The following PKP3 variants were observed in gnomAD, a reference collection of about 807,000 sequenced individuals.
PKP3 encodes plakophilin 3.
PKP3 carries 66 observed loss-of-function variants against 76.5 expected under a neutral mutation model. The ratio of observed to expected loss-of-function variants is 0.86; its 90% CI spans 0.71 to 1.06. PKP3 has a LOEUF of 1.06. Ranked by LOEUF, PKP3 falls within the 50% of genes least tolerant of loss-of-function variation. The pLI, the probability that PKP3 is intolerant of heterozygous loss-of-function variation, is 0.00. For synonymous variants in PKP3, 638 were observed against 516.5 expected, an observed-to-expected ratio of 1.24 and a Z score of -3.19; for missense variants, 1,338 against 1,141.0, an observed-to-expected ratio of 1.17 and a Z score of -2.49.
chr11:394,304 T>C lies in PKP3; in HGVS notation c.12T>C (p.Gly4=). ...GTGGACCTGCCGCCATGCAGGACGG[T>C]AACTTCCTGCTGTCGGCCCTGCAGC... The part of the protein sequence containing the change: MQD[G]NFLLSALQPE... The change falls in exon 1 of 13, where the codon GGT becomes GGC. Residue 4 remains glycine (G), a synonymous_variant. Coordinates refer to ENST00000331563, the MANE Select transcript of PKP3 (RefSeq NM_007183.4). 6.6e-7 allele frequency: 1 copy of C among 1,513,882 alleles called. No individual in the cohort carries two copies. The highest frequency in any genetic ancestry group is 8.8e-7 in the Non-Finnish European group (1 of 1,137,664). 93.8% of individuals were successfully genotyped at this position (1,513,882 alleles called of 1,614,324 possible).
upstream of PKP3, chr11:392,734 AC>A: frequency 6.6e-6 from 6 of 914,708 alleles, no homozygotes; most frequent in Non-Finnish European, 8.2e-6. Flanking sequence ...CTTCCCCACC[AC>A]CCCGACCCCA....
At position 394,309 on chromosome 11, in the gene PKP3, T is replaced by C; in HGVS notation, c.17T>C (p.Phe6Ser). The C allele has an allele frequency of 6.6e-7, 1 of 1,514,466 alleles. No individual in the cohort carries two copies. Among genetic ancestry groups the C allele is most frequent in the Admixed American group, 2.0e-5 (1 of 48,908 alleles). 93.8% of individuals were successfully genotyped at this position (1,514,466 alleles called of 1,614,324 possible). A position where few individuals can be genotyped will look rare whatever the true frequency, so the allele number is the denominator to read the frequency against. Residue 6 changes from phenylalanine to serine, a missense_variant, in exon 1 of 13, where the codon TTC becomes TCC. By Grantham distance (155) the Phe-to-Ser change is radical. Coordinates refer to ENST00000331563, the MANE Select transcript of PKP3 (RefSeq NM_007183.4). Reference sequence around the variant, plus strand: ...CCTGCCGCCATGCAGGACGGTAACTTCCTGCTGTCGGCCCTGCAGCCTGAG... The same window carrying C: ...CCTGCCGCCATGCAGGACGGTAACTCCCTGCTGTCGGCCCTGCAGCCTGAG... MQDGN[F>S]LLSALQPEAG... is the part of the protein sequence containing the mutation.
chr11:400,688 A>G lies in PKP3; in HGVS notation c.1720A>G (p.Ser574Gly). The G allele has an allele frequency of 1.6e-6, 2 of 1,277,198 alleles. No homozygotes were observed. Among genetic ancestry groups the G allele is most frequent in the Non-Finnish European group, 9.9e-7 (1 of 1,009,762 alleles). 79.1% of individuals were successfully genotyped at this position (1,277,198 alleles called of 1,614,324 possible). The change falls in exon 8 of 13, where the codon AGC becomes GGC. Residue 574 changes from serine (S) to glycine (G), a missense_variant. By Grantham distance (56) the Ser-to-Gly change is moderately conservative. Coordinates refer to ENST00000331563, the MANE Select transcript of PKP3 (RefSeq NM_007183.4). Reference protein sequence around the residue: ...GEVVGCFTPQSRRLRELPLAA... With the variant: ...GEVVGCFTPQGRRLRELPLAA... ...GGTCGTGGGCTGCTTCACGCCGCAG[A>G]GCCGGCGGCTGCGCGAGGTGGGCAC...
chr11:403,505 G>T (rs1847193871), intron 9 of PKP3, 113 bp from the exon 10 acceptor site: 2 of 1,101,994 alleles, frequency 1.8e-6, no homozygotes, highest in Non-Finnish European at 2.6e-6. Context: ...AAAGGCAGAA[G>T]CAGAGGCCCC....
chr11:400,576 C>CCGCCTCTA lies in PKP3; in HGVS notation c.1611_1618dup (p.Asp540AlafsTer110), dbSNP rs1243259236. ...TGTGCGTCCTGCGGAACCTGTCCTA[C>CCGCCTCTA]CGCCTCTACGACGAGATGCCGCCGT... On this transcript the variant is annotated frameshift_variant, in exon 8 of 13. Coordinates refer to ENST00000331563, the MANE Select transcript of PKP3 (RefSeq NM_007183.4). LOFTEE classifies it high-confidence loss of function. 1 of 1,484,472 alleles carries CCGCCTCTA rather than the reference C, an allele frequency of 6.7e-7. No individual in the cohort carries two copies. The highest frequency in any genetic ancestry group is 1.5e-5 in the African/African-American group (1 of 68,044). 92.0% of individuals were successfully genotyped at this position (1,484,472 alleles called of 1,614,324 possible).
At chr11:398,101 C>T (rs374116708) in intron 4 of PKP3, among the ~76,000 whole-genome samples, 1 of 86,000 alleles carries the variant, frequency 1.2e-5, no homozygotes, top group African/African-American at 5.3e-5. Context: ...TCCGTACCCC[C>T]GCACACACCT....
In PKP3 at chr11:404,118, C is replaced by T. The variant is rs753417737; in HGVS notation, c.2253C>T (p.Ile751=). The T allele has an allele frequency of 1.2e-6, 2 of 1,610,328 alleles. No individual in the cohort carries two copies. Among genetic ancestry groups the T allele is most frequent in the Non-Finnish European group, 8.5e-7 (1 of 1,178,378 alleles). Residue 751 remains isoleucine (I), a synonymous_variant, in exon 11 of 13, where the codon ATC becomes ATT. Transcript: ENST00000331563. This position sits in a 1 kb window ranked among gnomAD's most constrained non-coding sequence, Gnocchi z 4.2. Reference sequence around the variant, plus strand: ...ACGGACTCCGAAAGCTCATCTTCATCAAGAAGAAGCGGGACAGGTAGGGGC... The same window carrying T: ...ACGGACTCCGAAAGCTCATCTTCATTAAGAAGAAGCGGGACAGGTAGGGGC... The part of the protein sequence containing the change: ...YFDGLRKLIF[I]KKKRDSPDSE...
Position 397,235 on chromosome 11 carries a change from C to T in PKP3, c.734C>T (p.Ala245Val). Residue 245 changes from alanine (A) to valine (V), a missense_variant, in exon 3 of 13, where the codon GCC (alanine) becomes GTC (valine). Transcript: ENST00000331563. ...TEVSPSRTIR[A>V]PAVRTLQRFQ... Reference sequence around the variant, plus strand: ...GTTTCCCCGAGCCGGACCATCCGTGCCCCTGCCGTGCGGACCCTGCAGCGA... The same window carrying T: ...GTTTCCCCGAGCCGGACCATCCGTGTCCCTGCCGTGCGGACCCTGCAGCGA... 2 of 1,599,624 alleles carry T rather than the reference C, an allele frequency of 1.3e-6. No homozygotes were observed. Among genetic ancestry groups the T allele is most frequent in the South Asian group, 1.1e-5 (1 of 90,764 alleles).
At chr11:398,923 C>G (rs1490913840) in intron 4 of PKP3, 69 bp from the exon 5 acceptor site, 1 of 1,216,150 alleles carries the variant, frequency 8.2e-7, no homozygotes, top group Non-Finnish European at 1.2e-6. Context: ...CTGGACACAG[C>G]TGCACACAGG....
Position 400,597 on chromosome 11 carries a change from G to C in PKP3, c.1629G>C (p.Pro543=), listed in dbSNP as rs761635288. 29 of 1,465,876 alleles carry C rather than the reference G, an allele frequency of 2.0e-5. 1 individual carries two copies. In the African/African-American group the frequency reaches 3.7e-4, roughly 19 times the overall value. The allele number at this position is 1,465,876 out of a possible 1,614,324, so 90.8% of individuals were successfully genotyped here. A position where few individuals can be genotyped will look rare whatever the true frequency, so the allele number is the denominator to read the frequency against. ...NLSYRLYDEM[P]PSALQRLEGR... Reference sequence around the variant, plus strand: ...CCTACCGCCTCTACGACGAGATGCCGCCGTCCGCGCTGCAGCGGCTGGAGG... The same window carrying C: ...CCTACCGCCTCTACGACGAGATGCCCCCGTCCGCGCTGCAGCGGCTGGAGG... The change falls in exon 8 of 13, where the codon CCG becomes CCC. Residue 543 remains proline (P), a synonymous_variant. Transcript: ENST00000331563.
intron 5 of PKP3, 53 bp downstream of exon 5, chr11:399,249 C>A: frequency 7.9e-7 from 1 of 1,258,964 alleles, no homozygotes; most frequent in Non-Finnish European, 1.1e-6. Flanking sequence ...GCCCCTCTGC[C>A]TATCCCCCCT....
At chr11:400,836 ACCCCCGCCCCGCTCAC>A in intron 8 of PKP3, 131 bp downstream of exon 8, 1 of 169,428 alleles carries the variant, frequency 5.9e-6, no homozygotes, top group East Asian at 1.3e-4. Context: ...GACCCCGCTC[ACCCCCGCCCCGCTCAC>A]CCCCGACCCC....
rs1022432411 is a variant in PKP3 at position 397,395 on chromosome 11, T to C, written c.894T>C (p.His298=). ...ACTCGGGCCACCTGCCGGACGTGCATGGGTTCAACAGCTACGGTAGCCACC... is the reference window on the plus strand; with the variant it reads ...ACTCGGGCCACCTGCCGGACGTGCACGGGTTCAACAGCTACGGTAGCCACC... ...LADSGHLPDV[H]GFNSYGSHRT... Residue 298 remains histidine, a synonymous_variant, in exon 3 of 13, where the codon CAT becomes CAC. Transcript: ENST00000331563. 15 of 1,611,560 alleles carry C rather than the reference T, an allele frequency of 9.3e-6. No individual in the cohort carries two copies. Among genetic ancestry groups the C allele is most frequent in the Non-Finnish European group, 1.3e-5 (15 of 1,179,526 alleles).
Position 404,363 on chromosome 11 carries a change from C to T in PKP3, c.2358+40C>T. 1 of 1,566,414 alleles carries T rather than the reference C, an allele frequency of 6.4e-7. No homozygotes were observed. The highest frequency in any genetic ancestry group is 1.1e-5 in the South Asian group (1 of 90,130). The stretch of plus-strand genomic sequence containing the variant: ...CCCAGGGCAAGCAGGGACCCGGGTG[C>T]AGGGCATGGGACGCCGGGGGAGGGT... On this transcript the variant is annotated intron_variant, in intron 12 of 12. Coordinates refer to ENST00000331563, the MANE Select transcript of PKP3 (RefSeq NM_007183.4). This position sits in a 1 kb window ranked among gnomAD's most constrained non-coding sequence, Gnocchi z 4.2.
chr11:399,628 C>G (rs1441229914), intron 5 of PKP3, among the ~76,000 whole-genome samples: 1 of 141,522 alleles, frequency 7.1e-6, no homozygotes, highest in Non-Finnish European at 1.5e-5. Context: ...GGTTCCCCTC[C>G]GTCCCTTTGT....
intron 6 of PKP3, 95 bp downstream of exon 6, chr11:400,236 C>A (rs1221961964): frequency 2.1e-5 from 30 of 1,412,880 alleles, no homozygotes; most frequent in Non-Finnish European, 2.8e-5. Context: ...ACACCGCACG[C>A]CTCGCGCTGG....
At chr11:398,094 G>GTACCCCCGCACACACCTGTGTCACCTCCC in intron 4 of PKP3, among the ~76,000 whole-genome samples, 1 of 54,726 alleles carries the variant, frequency 1.8e-5, no homozygotes, top group East Asian at 5.9e-4. Flanking sequence ...CGTCACCTCC[G>GTACCCCCGCACACACCTGTGTCACCTCCC]TACCCCCGCA....
chr11:394,817 C>T lies in PKP3; in HGVS notation c.232+293C>T, dbSNP rs556250029. Among the ~76,000 whole-genome samples, 5 of 152,320 alleles carry T rather than the reference C, an allele frequency of 3.3e-5. No individual in the cohort carries two copies. The South Asian group carries it at 1.0e-3, about 32-fold the overall frequency. ...ACAGGGAAGGTTGGCACATGGCAGGCGGGCCAGGCCACTCGGTCGGCAAAC... is the reference window on the plus strand; with the variant it reads ...ACAGGGAAGGTTGGCACATGGCAGGTGGGCCAGGCCACTCGGTCGGCAAAC... On this transcript the variant is annotated intron_variant, in intron 1 of 12. Transcript: ENST00000331563.
In PKP3 at chr11:399,956, C is replaced by T. The variant is rs1287380950; in HGVS notation, c.1274-11C>T. 2 of 1,588,620 alleles carry T rather than the reference C, an allele frequency of 1.3e-6. No homozygotes were observed. The highest frequency in any genetic ancestry group is 1.8e-5 in the Admixed American group (1 of 56,322). On this transcript the variant is annotated splice_polypyrimidine_tract_variant and intron_variant, in intron 5 of 12. Coordinates refer to ENST00000331563, the MANE Select transcript of PKP3 (RefSeq NM_007183.4). ...GGGCAGACGCTGATAGCAGCCTCCCCCGTCCTCCAGGGATCCTGTGGAACC... is the reference window on the plus strand; with the variant it reads ...GGGCAGACGCTGATAGCAGCCTCCCTCGTCCTCCAGGGATCCTGTGGAACC...
Sources: gnomAD v4.1 joint callset for allele counts (sites outside exome capture counted in the v4.1 genomes callset) on GRCh38, gnomAD v4.1.1 for gene constraint, Gnocchi (gnomAD v3.1) non-coding constraint, MANE v1.5 for transcripts, NCBI Gene and HGNC (gene_info 2026-07-23, HGNC 2026-07-21) for gene names.